CLEC1A: variants seen among roughly 807,000 people sequenced by gnomAD.
CLEC1A encodes the protein C-type lectin domain family 1 member A, also known as C-type lectin-like receptor-1.
In CLEC1A, 34 loss-of-function variants were observed where a neutral mutation model predicts 28.7. The ratio of observed to expected loss-of-function variants is 1.18; its 90% CI spans 0.90 to 1.57. The LOEUF is 1.57. Among genes scored for constraint, CLEC1A ranks in the 40% most tolerant of loss-of-function variants. The pLI is 0.00. For missense variants in CLEC1A, 385 were observed against 339.5 expected (o/e 1.13, Z -1.05); for synonymous variants, 116 against 121.0 (o/e 0.96, Z 0.27).
At chr12:10,076,070 T>TA (rs1866245984) in intron 3 of CLEC1A, among the ~76,000 whole-genome samples, 1 of 152,154 alleles carries the variant, frequency 6.6e-6, no homozygotes, top group South Asian at 2.1e-4. Flanking sequence ...AAATAAGTTT[T>TA]AAAAAATACG....
intron 2 of CLEC1A, among the ~76,000 whole-genome samples, chr12:10,082,731 G>C (rs1054975494): frequency 4.8e-5 from 3 of 63,098 alleles, no homozygotes; most frequent in Admixed American, 1.2e-4. Context: ...CCACCTCCTG[G>C]CTGGAGGCCA....
At chr12:10,078,750 G>GA (rs1866305089) in intron 3 of CLEC1A, among the ~76,000 whole-genome samples, 1 of 152,136 alleles carries the variant, frequency 6.6e-6, no homozygotes, top group Non-Finnish European at 1.5e-5. Flanking sequence ...TCTCATATTG[G>GA]AATTTGATCC....
chr12:10,076,888 T>G (rs1866263017), intron 3 of CLEC1A, among the ~76,000 whole-genome samples: 1 of 152,240 alleles, frequency 6.6e-6, no homozygotes, highest in African/African-American at 2.4e-5. Flanking sequence ...AAGGAGAATC[T>G]TGGTTCATTC....
At chr12:10,078,778 G>C (rs1337097927) in intron 3 of CLEC1A, among the ~76,000 whole-genome samples, 1 of 152,132 alleles carries the variant, frequency 6.6e-6, no homozygotes, top group African/African-American at 2.4e-5. Flanking sequence ...TGGAGGTGGG[G>C]CCTAATGGGA....
chr12:10,098,895 C>A lies in CLEC1A; in HGVS notation c.28G>T (p.Asp10Tyr), dbSNP rs573487236. The A allele has an allele frequency of 3.1e-6, 5 of 1,613,322 alleles. No homozygotes were observed. The East Asian group carries it at 6.7e-5, about 22-fold the overall frequency. ...GTGTCCCCATCATCATCCAGCATGTCCCTCGTGCTGCTGTACTTGGCCTGC... is the reference window on the plus strand; with the variant it reads ...GTGTCCCCATCATCATCCAGCATGTACCTCGTGCTGCTGTACTTGGCCTGC... MQAKYSSTR[D>Y]MLDDDGDTTM... is the part of the protein sequence containing the mutation. Residue 10 changes from aspartate (D) to tyrosine (Y), a missense_variant, in exon 1 of 6, where the codon GAC becomes TAC. By Grantham distance (160) the Asp-to-Tyr change is radical. Transcript: ENST00000315330.
intron 2 of CLEC1A, among the ~76,000 whole-genome samples, chr12:10,085,192 CAATA>C (rs1038400103): frequency 6.6e-5 from 8 of 121,718 alleles, no homozygotes; most frequent in East Asian, 5.0e-4. Context: ...ACCTATAAGA[CAATA>C]ACACACACAC....
chr12:10,091,554 T>G (rs1329708288), intron 1 of CLEC1A, among the ~76,000 whole-genome samples: 1 of 152,116 alleles, frequency 6.6e-6, no homozygotes, highest in East Asian at 1.9e-4. Context: ...TCCTCCTGTT[T>G]CCTTCAGTTA....
At chr12:10,077,344 T>C (rs1046440233) in intron 3 of CLEC1A, among the ~76,000 whole-genome samples, 1 of 152,088 alleles carries the variant, frequency 6.6e-6, no homozygotes, top group East Asian at 1.9e-4. Flanking sequence ...GACATAGATA[T>C]AGATAGATAT....
intron 3 of CLEC1A, among the ~76,000 whole-genome samples, chr12:10,076,065 A>C (rs925763429): frequency 2.6e-5 from 4 of 152,244 alleles, no homozygotes; most frequent in African/African-American, 9.6e-5. Context: ...TAGTAAAATA[A>C]GTTTTAAAAA....
rs1866233813 is a variant in CLEC1A at position 10,075,578 on chromosome 12, T to G, written c.469A>C (p.Ser157Arg). The change falls in exon 4 of 6, where the codon AGT (serine) becomes CGT (arginine). Residue 157 changes from serine (S) to arginine (R), a missense_variant. Ser to Arg is a moderately radical substitution (Grantham distance 110). Transcript: ENST00000315330. ...NCYQFYKDSK[S>R]WEDCKYFCLS... ...CAGAAATATTTACAGTCCTCCCAAC[T>G]TTTGCTGTCTTTATAGAACTGGTAG... is the stretch of plus-strand genomic sequence containing the variant. 4 of 1,613,942 alleles carry G rather than the reference T, an allele frequency of 2.5e-6. No individual in the cohort carries two copies. The highest frequency in any genetic ancestry group is 2.5e-6 in the Non-Finnish European group (3 of 1,179,938).
rs1866229345 is a variant in CLEC1A, at chr12:10,075,431, G to C, written c.543+73C>G. ...TGTGGACCGATATTCTTGATCCTTA[G>C]AGTCTTCTTGCCTAATGCTTTTAAG... On this transcript the variant is annotated intron_variant, in intron 4 of 5. Coordinates refer to ENST00000315330, the MANE Select transcript of CLEC1A (RefSeq NM_016511.4). 8 of 1,490,082 alleles carry C rather than the reference G, an allele frequency of 5.4e-6. No individual in the cohort carries two copies. The South Asian group carries it at 8.5e-5, about 16-fold the overall frequency. 92.3% of individuals were successfully genotyped at this position (1,490,082 alleles called of 1,614,324 possible).
At chr12:10,077,429 C>A (rs1402057752) in intron 3 of CLEC1A, among the ~76,000 whole-genome samples, 4 of 151,990 alleles carry the variant, frequency 2.6e-5, no homozygotes, top group Admixed American at 6.6e-5. Flanking sequence ...CTGCTCCCCC[C>A]AAAAATATAT....
intron 1 of CLEC1A, among the ~76,000 whole-genome samples, chr12:10,097,125 A>G (rs1947787817): frequency 6.6e-6 from 1 of 152,166 alleles, no homozygotes; most frequent in African/African-American, 2.4e-5. Context: ...CATTTTCACT[A>G]TCTTAATTGT....
At chr12:10,077,945 A>G (rs753604449) in intron 3 of CLEC1A, among the ~76,000 whole-genome samples, 16 of 152,098 alleles carry the variant, frequency 1.1e-4, no homozygotes, top group Non-Finnish European at 1.9e-4. Context: ...CTTTCACTCG[A>G]CCACATCTCT....
chr12:10,095,361 GA>G (rs35456861), intron 1 of CLEC1A, among the ~76,000 whole-genome samples: 71,543 of 151,742 alleles, frequency 0.47, 20,393 homozygotes, highest in Middle Eastern at 0.73. Context: ...TCTCTGGCAG[GA>G]ATCTCAGCCT....
rs192010699 is a variant in CLEC1A, at chr12:10,081,497, A to G, written c.215-84T>C. On this transcript the variant is annotated intron_variant, in intron 2 of 5. Coordinates refer to ENST00000315330, the MANE Select transcript of CLEC1A (RefSeq NM_016511.4). ...CTGCTTATGGGGAAGACAAAACAGT[A>G]TATTTTTTAGTATCTCAGGCTCTGA... The G allele has an allele frequency of 2.7e-3, 3,196 of 1,177,288 alleles. 8 individuals are homozygous for G. Among genetic ancestry groups the G allele is most frequent in the Admixed American group, 4.5e-3 (168 of 37,176 alleles). 72.9% of individuals were successfully genotyped at this position (1,177,288 alleles called of 1,614,324 possible). A position where few individuals can be genotyped will look rare whatever the true frequency, so the allele number is the denominator to read the frequency against.
rs754135163 is a variant in CLEC1A at position 10,073,391 on chromosome 12, G to T, written c.564C>A (p.Ser188Arg). 4 of 1,612,598 alleles carry T rather than the reference G, an allele frequency of 2.5e-6. No homozygotes were observed. The South Asian group carries it at 4.4e-5, about 18-fold the overall frequency. Residue 188 changes from serine (S) to arginine (R), a missense_variant, in exon 5 of 6, where the codon AGC becomes AGA. Transcript: ENST00000315330. ...AATAAGAGTAGAAAAACTCAGAGTA[G>T]CTCTGAGACGCGGCAAATTCCTGTG... Reference protein sequence around the residue: ...QEDLEFAASQSYSEFFYSYWT... With the variant: ...QEDLEFAASQRYSEFFYSYWT...
intron 1 of CLEC1A, among the ~76,000 whole-genome samples, chr12:10,094,266 C>G (rs754983623): frequency 6.6e-6 from 1 of 151,986 alleles, no homozygotes; most frequent in Non-Finnish European, 1.5e-5. Flanking sequence ...TCTCATCTAG[C>G]CTCACAAACA....
chr12:10,079,978 C>A (rs2137341692), intron 3 of CLEC1A, among the ~76,000 whole-genome samples: 1 of 152,238 alleles, frequency 6.6e-6, no homozygotes, highest in African/African-American at 2.4e-5. Flanking sequence ...TGGCAACCAA[C>A]AAAGGAAAGT....
Sources: allele counts gnomAD v4.1 joint callset (sites outside exome capture counted in the v4.1 genomes callset), GRCh38; gene constraint gnomAD v4.1.1; transcripts MANE v1.5; gene names NCBI Gene and HGNC (gene_info 2026-07-23, HGNC 2026-07-21).